KIAA1958: variants seen among roughly 807,000 people sequenced by gnomAD.
The protein encoded by KIAA1958 is uncharacterized protein KIAA1958.
KIAA1958 carries 14 observed loss-of-function variants against 47.2 expected under a neutral mutation model. The observed-to-expected ratio is 0.30, with a 90% CI of 0.20 to 0.46. The LOEUF (loss-of-function observed/expected upper bound fraction) is 0.46, where lower values mean the gene tolerates loss of function less well. Ranked by LOEUF, KIAA1958 falls within the 20% of genes least tolerant of loss-of-function variation. The pLI, the probability that KIAA1958 is intolerant of heterozygous loss-of-function variation, is 1.00. For missense variants in KIAA1958, 803 were observed against 909.2 expected (o/e 0.88, Z 1.50); for synonymous variants, 354 against 353.3 (o/e 1.00, Z -0.02).
At chr9:112,588,118 CTTA>C in intron 2 of KIAA1958, among the ~76,000 whole-genome samples, 1 of 152,320 alleles carries the variant, frequency 6.6e-6, no homozygotes, top group East Asian at 1.9e-4. Context: ...TCACAATCTT[CTTA>C]TTGTCACAAG....
intron 1 of KIAA1958, among the ~76,000 whole-genome samples, chr9:112,549,016 G>A (rs1835092743): frequency 6.6e-6 from 1 of 152,196 alleles, no homozygotes; most frequent in African/African-American, 2.4e-5. Context: ...CGGACCTTTA[G>A]CATTCAGAAC....
intron 2 of KIAA1958, among the ~76,000 whole-genome samples, chr9:112,644,060 C>T (rs925841251): frequency 2.6e-5 from 4 of 152,086 alleles, no homozygotes; most frequent in African/African-American, 7.2e-5. Context: ...CACCAGGAGT[C>T]GCAGCTACTT....
intron 1 of KIAA1958, among the ~76,000 whole-genome samples, chr9:112,491,015 T>G (rs1763097325): frequency 6.6e-6 from 1 of 152,244 alleles, no homozygotes; most frequent in African/African-American, 2.4e-5. Flanking sequence ...TCACCCACGC[T>G]GGAATACAGT....
intron 1 of KIAA1958, among the ~76,000 whole-genome samples, chr9:112,523,893 T>C (rs1834596112): frequency 6.6e-6 from 1 of 152,178 alleles, no homozygotes; most frequent in Admixed American, 6.5e-5. Context: ...CCCCTGACTC[T>C]CCCTGCTTAC....
At chr9:112,605,829 A>G (rs1836224021) in intron 2 of KIAA1958, among the ~76,000 whole-genome samples, 1 of 152,216 alleles carries the variant, frequency 6.6e-6, no homozygotes, top group Non-Finnish European at 1.5e-5. Context: ...TAACTAAAAG[A>G]TATTTTTAGA....
intron 2 of KIAA1958, among the ~76,000 whole-genome samples, chr9:112,604,402 A>C (rs536597837): frequency 6.6e-6 from 1 of 152,310 alleles, no homozygotes; most frequent in East Asian, 1.9e-4. Flanking sequence ...CTGAAGGCTC[A>C]TTTTCACTGT....
chr9:112,496,665 C>A (rs540037575), intron 1 of KIAA1958, among the ~76,000 whole-genome samples: 5 of 152,324 alleles, frequency 3.3e-5, no homozygotes, highest in African/African-American at 1.2e-4. Context: ...TTTATTCCCA[C>A]TCCTGCCTCT....
intron 1 of KIAA1958, among the ~76,000 whole-genome samples, chr9:112,534,927 G>T (rs985744649): frequency 2.6e-5 from 4 of 152,058 alleles, no homozygotes; most frequent in Non-Finnish European, 5.9e-5. Context: ...TTTTCCCAGG[G>T]TTCTTTTATT....
intron 1 of KIAA1958, among the ~76,000 whole-genome samples, chr9:112,491,944 C>T (rs1833977702): frequency 6.6e-6 from 1 of 151,940 alleles, no homozygotes; most frequent in African/African-American, 2.4e-5. Flanking sequence ...CTTATATTTT[C>T]CTCTGGAAAT....
chr9:112,557,794 A>G (rs1356837212), intron 1 of KIAA1958, among the ~76,000 whole-genome samples: 2 of 152,250 alleles, frequency 1.3e-5, no homozygotes, highest in African/African-American at 4.8e-5. Flanking sequence ...ACTTGACCAA[A>G]TACTTGATAA....
At chr9:112,548,842 G>A (rs2132835299) in intron 1 of KIAA1958, among the ~76,000 whole-genome samples, 1 of 152,284 alleles carries the variant, frequency 6.6e-6, no homozygotes, top group East Asian at 1.9e-4. Flanking sequence ...CTTTAGGCTG[G>A]CCTCTGATCA....
At chr9:112,506,240 A>G (rs1288361412) in intron 1 of KIAA1958, among the ~76,000 whole-genome samples, 1 of 152,154 alleles carries the variant, frequency 6.6e-6, no homozygotes, top group Admixed American at 6.6e-5. Context: ...GCGGATCACA[A>G]GGTCAGGAGA....
chr9:112,633,904 G>T (rs757778289), intron 2 of KIAA1958, among the ~76,000 whole-genome samples: 1 of 151,992 alleles, frequency 6.6e-6, no homozygotes, highest in Non-Finnish European at 1.5e-5. Context: ...CCAGTTTGAG[G>T]CCATTTATTA....
rs1043136372 is a variant in KIAA1958 at position 112,659,778 on chromosome 9, G to A, written c.1860G>A (p.Glu620=). 2.0e-5 allele frequency: 33 copies of A among 1,614,180 alleles called. No homozygotes were observed. Among genetic ancestry groups the A allele is most frequent in the Non-Finnish European group, 2.7e-5 (32 of 1,180,040 alleles). ...TGTGTCACGGGAAGATCTACCATGAGCATTCCCGGGGACACAAACAGTGCC... is the reference window on the plus strand; with the variant it reads ...TGTGTCACGGGAAGATCTACCATGAACATTCCCGGGGACACAAACAGTGCC... ...TRVCHGKIYH[E]HSRGHKQCPY... is the part of the protein sequence containing the mutation. Residue 620 remains glutamate, a synonymous_variant, in exon 4 of 4, where the codon GAG becomes GAA. Coordinates refer to ENST00000337530, the MANE Select transcript of KIAA1958 (RefSeq NM_133465.4).
At chr9:112,505,067 T>C (rs1834210476) in intron 1 of KIAA1958, among the ~76,000 whole-genome samples, 2 of 152,250 alleles carry the variant, frequency 1.3e-5, no homozygotes, top group Admixed American at 1.3e-4. Context: ...TCCCAGTCTC[T>C]GTTATCTGTC....
chr9:112,599,590 T>C (rs1039370229), intron 2 of KIAA1958, among the ~76,000 whole-genome samples: 2 of 152,180 alleles, frequency 1.3e-5, no homozygotes, highest in South Asian at 2.1e-4. Flanking sequence ...AATGGAGTCA[T>C]TAAAGAATGA....
intron 1 of KIAA1958, among the ~76,000 whole-genome samples, chr9:112,508,018 A>G (rs1298770994): frequency 6.6e-6 from 1 of 152,010 alleles, no homozygotes; most frequent in African/African-American, 2.4e-5. Flanking sequence ...TATTAAATAC[A>G]TATCTATATA....
chr9:112,565,910 A>G (rs764447202), intron 1 of KIAA1958, among the ~76,000 whole-genome samples: 2 of 152,150 alleles, frequency 1.3e-5, no homozygotes, highest in Non-Finnish European at 2.9e-5. Flanking sequence ...TTATTTATTT[A>G]TTTATTTATT....
At chr9:112,502,670 G>A (rs1834163104) in intron 1 of KIAA1958, among the ~76,000 whole-genome samples, 1 of 152,216 alleles carries the variant, frequency 6.6e-6, no homozygotes, top group Non-Finnish European at 1.5e-5. Flanking sequence ...AACATTCAAT[G>A]AAGCAGTCTA....
Sources: gnomAD v4.1 joint callset for allele counts (sites outside exome capture counted in the v4.1 genomes callset) on GRCh38, gnomAD v4.1.1 for gene constraint, MANE v1.5 for transcripts, NCBI Gene and HGNC (gene_info 2026-07-23, HGNC 2026-07-21) for gene names.